The following ZNF546 variants were observed in gnomAD, a reference collection of about 807,000 sequenced individuals.
ZNF546 encodes CTC-471F3.6.
A neutral mutation model predicts 76.2 loss-of-function variants in ZNF546; 60 were observed. The observed-to-expected ratio is 0.79, with a 90% CI of 0.64 to 0.98. The LOEUF (loss-of-function observed/expected upper bound fraction) is 0.98. Ranked by LOEUF, ZNF546 falls within the 50% of genes least tolerant of loss-of-function variation. ZNF546 has a pLI of 0.00. For synonymous variants in ZNF546, 277 were observed against 328.1 expected, an observed-to-expected ratio of 0.84 and a Z score of 1.68; for missense variants, 936 against 1,035.6, an observed-to-expected ratio of 0.90 and a Z score of 1.32.
chr19:40,003,647 CAT>C (rs1347916662), intron 3 of ZNF546, among the ~76,000 whole-genome samples: 1 of 152,028 alleles, frequency 6.6e-6, no homozygotes, highest in Non-Finnish European at 1.5e-5. Context: ...CATACATGGA[CAT>C]ATGTGAAAAA....
Position 40,018,049 on chromosome 19 carries a change from C to T in ZNF546, c.*2268C>T, listed in dbSNP as rs1317282069. The T allele has an allele frequency of 7.1e-6, 1 of 140,402 alleles. No homozygotes were observed. Among genetic ancestry groups the T allele is most frequent in the Non-Finnish European group, 1.5e-5 (1 of 66,026 alleles). 8.7% of individuals were successfully genotyped at this position (140,402 alleles called of 1,614,324 possible). On this transcript the variant is annotated 3_prime_UTR_variant, in exon 7 of 7. Transcript: ENST00000347077. ...AGTGCAGTGGTGCGATCTTGGCTCACTGCAAGCTCCGCCTCCCGGGTTCAG... is the reference window on the plus strand; with the variant it reads ...AGTGCAGTGGTGCGATCTTGGCTCATTGCAAGCTCCGCCTCCCGGGTTCAG...
chr19:40,008,122 A>T (rs142321900), intron 5 of ZNF546, among the ~76,000 whole-genome samples: 58 of 152,332 alleles, frequency 3.8e-4, no homozygotes, highest in African/African-American at 1.3e-3. Context: ...AAAAGTGAAT[A>T]TGTGCAGGGT....
chr19:40,013,640 C>CT (rs546130223), intron 6 of ZNF546, 25 bp from the exon 7 acceptor site: 106,881 of 1,081,896 alleles, frequency 0.099, 727 homozygotes, highest in Non-Finnish European at 0.11. Context: ...TTACTCTTTG[C>CT]TTTTTTTTTT....
At position 40,008,412 on chromosome 19, in the gene ZNF546, G is replaced by A. The variant is rs141452144; in HGVS notation, c.299-58G>A. 7.5e-5 allele frequency: 100 copies of A among 1,334,848 alleles called. No individual in the cohort carries two copies. The East Asian group carries it at 2.3e-3, about 31-fold the overall frequency. The allele number at this position is 1,334,848 out of a possible 1,614,324, so 82.7% of individuals were successfully genotyped here. ...AACCAAGTCTGAATTGTCATTTCAA[G>A]GTTATGGTTGTTTTTGTTTTTTTCT... On this transcript the variant is annotated intron_variant, in intron 5 of 6. Transcript: ENST00000347077.
intron 6 of ZNF546, among the ~76,000 whole-genome samples, chr19:40,010,772 T>C (rs1971660918): frequency 6.6e-6 from 1 of 152,124 alleles, no homozygotes; most frequent in Non-Finnish European, 1.5e-5. Context: ...AACCTCCGCC[T>C]CCTGGGTACA....
At position 40,008,455 on chromosome 19, in the gene ZNF546, T is replaced by C. The variant is rs1218516933; in HGVS notation, c.299-15T>C. On this transcript the variant is annotated splice_polypyrimidine_tract_variant and intron_variant, in intron 5 of 6. Coordinates refer to ENST00000347077, the MANE Select transcript of ZNF546 (RefSeq NM_178544.5). Reference sequence around the variant, plus strand: ...TTTTTTCTATAACATGTGTCATTTCTTTTCTCATGAGCAGGATATACCATT... The same window carrying C: ...TTTTTTCTATAACATGTGTCATTTCCTTTCTCATGAGCAGGATATACCATT... 6.5e-7 allele frequency: 1 copy of C among 1,548,284 alleles called. No individual in the cohort carries two copies. Among genetic ancestry groups the C allele is most frequent in the South Asian group, 1.2e-5 (1 of 82,438 alleles).
chr19:40,011,246 GAC>G, intron 6 of ZNF546: 1 of 113,762 alleles, frequency 8.8e-6, no homozygotes, highest in African/African-American at 4.1e-5. Flanking sequence ...TTTTTTTTTT[GAC>G]AGAGTCTCGC....
chr19:40,008,987 C>T (rs1971639496), intron 6 of ZNF546, among the ~76,000 whole-genome samples: 2 of 152,102 alleles, frequency 1.3e-5, no homozygotes. Context: ...ACTCTTGTCA[C>T]AGAGATGTTG....
chr19:40,015,262 C>G lies in ZNF546; in HGVS notation c.1992C>G (p.Pro664=), dbSNP rs756475264. 1 of 1,613,906 alleles carries G rather than the reference C, an allele frequency of 6.2e-7. No individual in the cohort carries two copies. Among genetic ancestry groups the G allele is most frequent in the South Asian group, 1.1e-5 (1 of 91,074 alleles). Residue 664 remains proline, a synonymous_variant, in exon 7 of 7, where the codon CCC becomes CCG. Coordinates refer to ENST00000347077, the MANE Select transcript of ZNF546 (RefSeq NM_178544.5). ...ACAGAATTCATACTGGTGAGAAACC[C>G]TACGAATGTACGGAATGTGGGAAGA... is the stretch of plus-strand genomic sequence containing the variant. ...QHHRIHTGEK[P]YECTECGKTF... is the part of the protein sequence containing the mutation.
At chr19:39,999,637 G>GTGA (rs1971502023) in intron 3 of ZNF546, 1 of 150,664 alleles carries the variant, frequency 6.6e-6, no homozygotes, top group African/African-American at 2.5e-5. Context: ...GTGCAGTGAT[G>GTGA]TGATCTTGGC....
At position 39,998,275 on chromosome 19, in the gene ZNF546, T is replaced by C. The variant is rs1971480397; in HGVS notation, c.-52T>C. On this transcript the variant is annotated 5_prime_UTR_variant, in exon 3 of 7. The change abolishes the stop of an existing upstream ORF in the 5' untranslated region. Transcript: ENST00000347077. ...AATGGAAACATTGCTTTGCTTTTCC[T>C]GAATTGTCCAGTGACCTATCCCAGG... 1.4e-6 allele frequency: 2 copies of C among 1,402,094 alleles called. No homozygotes were observed. Among genetic ancestry groups the C allele is most frequent in the African/African-American group, 1.4e-5 (1 of 69,778 alleles). The allele number at this position is 1,402,094 out of a possible 1,614,324, so 86.9% of individuals were successfully genotyped here.
In ZNF546 at chr19:40,017,933, GC is replaced by G. The variant is rs1345670104; in HGVS notation, c.*2155del. ...GTTCGTCTCTTTTAAAGTAAGAATG[GC>G]CCTTCCCCCCACAACTTTATTGCAA... On this transcript the variant is annotated 3_prime_UTR_variant, in exon 7 of 7. Coordinates refer to ENST00000347077, the MANE Select transcript of ZNF546 (RefSeq NM_178544.5). 2 of 147,770 alleles carry G rather than the reference GC, an allele frequency of 1.4e-5. No homozygotes were observed. The highest frequency in any genetic ancestry group is 5.0e-5 in the African/African-American group (2 of 39,714). The allele number at this position is 147,770 out of a possible 1,614,324, so 9.2% of individuals were successfully genotyped here.
At position 40,006,131 on chromosome 19, in the gene ZNF546, G is replaced by C. The variant is rs1393109001; in HGVS notation, c.120G>C (p.Glu40Asp). 2 of 1,613,832 alleles carry C rather than the reference G, an allele frequency of 1.2e-6. No homozygotes were observed. The highest frequency in any genetic ancestry group is 3.3e-5 in the Admixed American group (2 of 59,964). The change falls in exon 4 of 7, where the codon GAG becomes GAC. Residue 40 changes from glutamate to aspartate, a missense_variant. By Grantham distance (45) the Glu-to-Asp change is conservative. Transcript: ENST00000347077. Reference protein sequence around the residue: ...RFLWILCFSMEETQGELTSSC... With the variant: ...RFLWILCFSMDETQGELTSSC... ...TCTGGATTCTGTGCTTCTCCATGGA[G>C]GAAACTCAAGGAGAACTGACAAGTT...
intron 3 of ZNF546, among the ~76,000 whole-genome samples, chr19:40,001,546 G>A (rs1234606691): frequency 6.6e-6 from 1 of 151,934 alleles, no homozygotes; most frequent in Non-Finnish European, 1.5e-5. Context: ...ATTTTTAGTA[G>A]AGACGGGGTT....
intron 3 of ZNF546, chr19:39,998,627 C>T: frequency 1.9e-6 from 1 of 521,620 alleles, no homozygotes; most frequent in South Asian, 2.7e-5. Context: ...ATTGGAAGTC[C>T]AAGCATAGAA....
chr19:40,003,180 C>A (rs1054696925), intron 3 of ZNF546, among the ~76,000 whole-genome samples: 1 of 151,798 alleles, frequency 6.6e-6, no homozygotes, highest in Non-Finnish European at 1.5e-5. Flanking sequence ...GGACTACAGG[C>A]GCCTGCCACC....
At chr19:40,007,652 T>C (rs1971621613) in intron 5 of ZNF546, among the ~76,000 whole-genome samples, 1 of 152,150 alleles carries the variant, frequency 6.6e-6, no homozygotes, top group Non-Finnish European at 1.5e-5. Context: ...CAGGTTTGAG[T>C]TGTGTGACAT....
intron 3 of ZNF546, among the ~76,000 whole-genome samples, chr19:40,005,142 C>G (rs1971588493): frequency 6.6e-6 from 1 of 150,792 alleles, no homozygotes; most frequent in Non-Finnish European, 1.5e-5. Context: ...CCTTAGGCTC[C>G]TAAGCAGCTG....
In ZNF546 at chr19:40,013,890, A is replaced by C. The variant is rs368991409; in HGVS notation, c.620A>C (p.His207Pro). Residue 207 changes from histidine (H) to proline (P), a missense_variant, in exon 7 of 7, where the codon CAT becomes CCT. Physicochemically the swap from His to Pro is moderately conservative, Grantham distance 77. Transcript: ENST00000347077. ...LIQKQISHPLHPKIHAREKSY... is the reference protein window; with the variant it reads ...LIQKQISHPLPPKIHAREKSY... ...CAAAAACAAATATCTCATCCTCTAC[A>C]TCCAAAAATTCATGCTAGAGAGAAA... The C allele has an allele frequency of 4.5e-5, 72 of 1,607,392 alleles. No homozygotes were observed. The highest frequency in any genetic ancestry group is 5.5e-5 in the Non-Finnish European group (65 of 1,176,584).
Sources: allele counts gnomAD v4.1 joint callset (sites outside exome capture counted in the v4.1 genomes callset), GRCh38; gene constraint gnomAD v4.1.1; transcripts MANE v1.5; gene names NCBI Gene and HGNC (gene_info 2026-07-23, HGNC 2026-07-21).